Variants in ZC3H11A observed in about 807,000 individuals in gnomAD.
ZC3H11A encodes the protein zinc finger CCCH-type containing 11A.
A neutral mutation model predicts 90.8 loss-of-function variants in ZC3H11A; 22 were observed. That is an observed-to-expected ratio of 0.24 (90% CI 0.17 to 0.35). ZC3H11A has a LOEUF of 0.35. Among genes scored for constraint, ZC3H11A ranks in the 10% least tolerant of loss-of-function variants. The pLI is 1.00. For synonymous variants in ZC3H11A, 294 were observed against 339.8 expected, an observed-to-expected ratio of 0.87 and a Z score of 1.48; for missense variants, 701 against 964.9, an observed-to-expected ratio of 0.73 and a Z score of 3.62.
intron 4 of ZC3H11A, among the ~76,000 whole-genome samples, chr1:203,820,951 C>G (rs116315504): frequency 6.6e-6 from 1 of 151,800 alleles, no homozygotes; most frequent in Non-Finnish European, 1.5e-5. Context: ...GACCCTTTAC[C>G]CCGTTTCTCA....
At chr1:203,826,017 T>C (rs1680404684) in intron 4 of ZC3H11A, among the ~76,000 whole-genome samples, 1 of 152,202 alleles carries the variant, frequency 6.6e-6, no homozygotes, top group African/African-American at 2.4e-5. Flanking sequence ...ATTCAGTAAT[T>C]TGAAAATTGC....
Position 203,799,243 on chromosome 1 carries a change from A to G in ZC3H11A, c.-1587-2332A>G, listed in dbSNP as rs10494843. 2.3e-3 allele frequency: 1,909 copies of G among 840,260 alleles called. 39 individuals carry two copies. In the East Asian group the frequency reaches 0.036, roughly 16 times the overall value. The allele number at this position is 840,260 out of a possible 1,614,324, so 52.1% of individuals were successfully genotyped here. ...TCCTCTAATGTGGTACATGCAATCA[A>G]AGATGGTGGTTTTACCCATGTGCCA... On this transcript the variant is annotated intron_variant, in intron 1 of 17. Coordinates refer to ENST00000367210, the MANE Select transcript of ZC3H11A (RefSeq NM_001376342.1).
Position 203,831,692 on chromosome 1 carries a change from C to G in ZC3H11A, c.732C>G (p.Leu244=), listed in dbSNP as rs752199739. ...EGSSGVSSLL[L]HPEPVPGPEK... ...CTTCAGGAGTTTCCAGTCTTTTACTCCACCCTGAGCCCGTTCCAGGTCCTG... is the reference window on the plus strand; with the variant it reads ...CTTCAGGAGTTTCCAGTCTTTTACTGCACCCTGAGCCCGTTCCAGGTCCTG... Residue 244 remains leucine, a synonymous_variant, in exon 9 of 18, where the codon CTC becomes CTG. Coordinates refer to ENST00000367210, the MANE Select transcript of ZC3H11A (RefSeq NM_001376342.1). 6 of 1,613,002 alleles carry G rather than the reference C, an allele frequency of 3.7e-6. No homozygotes were observed. The highest frequency in any genetic ancestry group is 5.1e-6 in the Non-Finnish European group (6 of 1,179,556).
intron 12 of ZC3H11A, among the ~76,000 whole-genome samples, chr1:203,841,511 T>A (rs1686196035): frequency 6.6e-6 from 1 of 152,214 alleles, no homozygotes. Flanking sequence ...GCAGAAGAAT[T>A]TTTCTTAGTA....
At chr1:203,846,169 G>GT (rs1216945776) in intron 12 of ZC3H11A, among the ~76,000 whole-genome samples, 1 of 145,014 alleles carries the variant, frequency 6.9e-6, no homozygotes, top group Non-Finnish European at 1.5e-5. Flanking sequence ...TTGGGGGGGG[G>GT]GTTCATTAAA....
chr1:203,796,210 C>T (rs895228219), intron 1 of ZC3H11A: 3 of 389,182 alleles, frequency 7.7e-6, no homozygotes, highest in Admixed American at 8.9e-5. Context: ...GCAACAGTTT[C>T]TCTAGTTGAG....
chr1:203,804,152 G>GTT (rs74546279), intron 2 of ZC3H11A, among the ~76,000 whole-genome samples: 20 of 105,150 alleles, frequency 1.9e-4, no homozygotes, highest in Admixed American at 6.0e-4. Flanking sequence ...CTGTATATGT[G>GTT]TTTTTTTTTT....
intron 12 of ZC3H11A, among the ~76,000 whole-genome samples, chr1:203,842,672 C>A (rs1050243453): frequency 5.7e-5 from 8 of 139,576 alleles, no homozygotes; most frequent in Non-Finnish European, 9.3e-5. Context: ...GAAACTTATT[C>A]TCAGGAGAAA....
intron 12 of ZC3H11A, 131 bp downstream of exon 12, chr1:203,840,505 A>C: frequency 1.2e-6 from 1 of 847,480 alleles, no homozygotes; most frequent in South Asian, 1.9e-5. Flanking sequence ...TTTGTTTTTT[A>C]AGTAATTGAT....
At chr1:203,830,907 C>T (rs1682046731) in intron 8 of ZC3H11A, among the ~76,000 whole-genome samples, 1 of 120,742 alleles carries the variant, frequency 8.3e-6, no homozygotes, top group Non-Finnish European at 1.7e-5. Flanking sequence ...CCTGATTGCT[C>T]TGTATTTCCA....
chr1:203,819,845 T>C (rs1677902186), intron 4 of ZC3H11A, among the ~76,000 whole-genome samples: 1 of 150,930 alleles, frequency 6.6e-6, no homozygotes, highest in Non-Finnish European at 1.5e-5. Flanking sequence ...ACTCCAGCAA[T>C]TTTTTTAAAA....
At chr1:203,821,748 T>C (rs1006928862) in intron 4 of ZC3H11A, among the ~76,000 whole-genome samples, 1 of 151,918 alleles carries the variant, frequency 6.6e-6, no homozygotes, top group Non-Finnish European at 1.5e-5. Context: ...TACATCATTA[T>C]GGTTTTTGGT....
chr1:203,825,428 ATTTTTTTTTTTTT>A (rs59157538), intron 4 of ZC3H11A, among the ~76,000 whole-genome samples: 1 of 81,624 alleles, frequency 1.2e-5, no homozygotes, highest in East Asian at 3.2e-4. Flanking sequence ...ACTGTGGAGG[ATTTTTTTTTTTTT>A]TTTTTTTTTT....
intron 14 of ZC3H11A, among the ~76,000 whole-genome samples, 175 bp downstream of exon 14, chr1:203,848,582 G>A (rs148788821): frequency 1.3e-4 from 20 of 152,024 alleles, no homozygotes; most frequent in Non-Finnish European, 2.4e-4. Flanking sequence ...ATCAGTATTC[G>A]CTGCCCTTTT....
rs527338827 is a variant in ZC3H11A, at chr1:203,832,456, G to T, written c.811+685G>T. 2.1e-3 allele frequency among the ~76,000 whole-genome samples: 314 copies of T among 152,090 alleles called. 1 individual carries two copies. Among genetic ancestry groups the T allele is most frequent in the African/African-American group, 7.3e-3 (304 of 41,470 alleles). ...ACTCACTGCAACCTCCGCCTCCCAG[G>T]TTCAAGTGATTCTCCTGCTTCAGCC... On this transcript the variant is annotated intron_variant, in intron 9 of 17. Coordinates refer to ENST00000367210, the MANE Select transcript of ZC3H11A (RefSeq NM_001376342.1).
At chr1:203,851,605 C>T (rs140967540) in intron 17 of ZC3H11A, among the ~76,000 whole-genome samples, 2,566 of 152,238 alleles carry the variant, frequency 0.017, 67 homozygotes, top group African/African-American at 0.054. Context: ...GCTGGGATTA[C>T]AGGCATGAGC....
intron 1 of ZC3H11A, chr1:203,798,556 A>C (rs1465932103): frequency 2.0e-6 from 3 of 1,536,150 alleles, no homozygotes; most frequent in Non-Finnish European, 2.6e-6. Flanking sequence ...CTCTTGAGTG[A>C]TACCTTGCAT....
At chr1:203,848,567 T>C (rs527672056) in intron 14 of ZC3H11A, among the ~76,000 whole-genome samples, 160 bp downstream of exon 14, 2 of 152,222 alleles carry the variant, frequency 1.3e-5, no homozygotes, top group Non-Finnish European at 2.9e-5. Context: ...TGTAGTTCTA[T>C]GTATATCAGT....
intron 9 of ZC3H11A, among the ~76,000 whole-genome samples, 171 bp from the exon 10 acceptor site, chr1:203,833,620 T>TTTTTTG (rs748898294): frequency 2.0e-4 from 6 of 30,178 alleles, no homozygotes; most frequent in African/African-American, 6.4e-4. Flanking sequence ...AGGTTTGGGT[T>TTTTTTG]TTTTTTTTTT....
Sources: gnomAD v4.1 joint callset for allele counts (sites outside exome capture counted in the v4.1 genomes callset) on GRCh38, gnomAD v4.1.1 for gene constraint, MANE v1.5 for transcripts, NCBI Gene and HGNC (gene_info 2026-07-23, HGNC 2026-07-21) for gene names.